The following RABGAP1L variants were observed in gnomAD, a reference collection of about 807,000 sequenced individuals.
RABGAP1L encodes RAB GTPase activating protein 1 like.
Under a neutral mutation model 137.7 loss-of-function variants are expected in RABGAP1L, and 63 were observed. The observed-to-expected ratio is 0.46, with a 90% CI of 0.37 to 0.56. RABGAP1L has a LOEUF of 0.56. RABGAP1L is among the 20% of genes least tolerant of loss of function. The probability of loss-of-function intolerance (pLI) is 0.00; values close to 1 mark genes in which losing one functional copy is unlikely to be tolerated. For missense variants in RABGAP1L, 1,095 were observed against 1,244.0 expected, an observed-to-expected ratio of 0.88 and a Z score of 1.80; for synonymous variants, 431 against 433.7, an observed-to-expected ratio of 0.99 and a Z score of 0.08.
In RABGAP1L at chr1:174,642,764, T is replaced by TCCCC. The variant is rs1557941722; in HGVS notation, c.1824+5277_1824+5278insCCCC. Among the ~76,000 whole-genome samples the TCCCC allele has an allele frequency of 6.7e-4, 69 of 103,142 alleles. 2 individuals are homozygous for TCCCC. Among genetic ancestry groups the TCCCC allele is most frequent in the African/African-American group, 2.6e-3 (63 of 24,540 alleles). The allele number at this position is 103,142 out of a possible 152,430, so 67.7% of individuals were successfully genotyped here. ...CTCCCCCTCTCCCCTTCTTCCCCTC[T>TCCCC]CTCCCTCTCCCCCTCTCCTCTCCTC... On this transcript the variant is annotated intron_variant, in intron 14 of 25. Coordinates refer to ENST00000681986, the MANE Select transcript of RABGAP1L (RefSeq NM_001366446.1).
chr1:174,370,512 C>A (rs951758048), intron 11 of RABGAP1L, among the ~76,000 whole-genome samples: 3 of 50,334 alleles, frequency 6.0e-5, no homozygotes, highest in South Asian at 7.9e-4. Flanking sequence ...AGAAACCTAA[C>A]TTTTTTTTTT....
At chr1:174,966,051 A>G (rs1478504843) in intron 20 of RABGAP1L, among the ~76,000 whole-genome samples, 1 of 152,192 alleles carries the variant, frequency 6.6e-6, no homozygotes, top group Non-Finnish European at 1.5e-5. Context: ...TCAACAGTGA[A>G]GTAGCTACCT....
intron 19 of RABGAP1L, among the ~76,000 whole-genome samples, chr1:174,879,349 C>T (rs1420694088): frequency 6.6e-6 from 1 of 151,960 alleles, no homozygotes; most frequent in Non-Finnish European, 1.5e-5. Flanking sequence ...CTACCCGCCT[C>T]GGCCTCCCAA....
chr1:174,833,121 C>T (rs1692289563), intron 19 of RABGAP1L, among the ~76,000 whole-genome samples: 1 of 152,030 alleles, frequency 6.6e-6, no homozygotes, highest in South Asian at 2.1e-4. Context: ...ACTAATCTTA[C>T]ACTTTACTAC....
intron 11 of RABGAP1L, among the ~76,000 whole-genome samples, chr1:174,353,242 T>G (rs775241382): frequency 2.6e-5 from 4 of 152,168 alleles, no homozygotes; most frequent in Non-Finnish European, 5.9e-5. Flanking sequence ...GCTTGGTGCT[T>G]TATTTTACTA....
intron 13 of RABGAP1L, among the ~76,000 whole-genome samples, chr1:174,552,876 C>CG (rs1224464965): frequency 6.6e-6 from 1 of 152,190 alleles, no homozygotes; most frequent in Non-Finnish European, 1.5e-5. Context: ...TCCATAACCT[C>CG]ACCAGCATCT....
At chr1:174,757,031 A>G (rs911141756) in intron 18 of RABGAP1L, 27 of 620,148 alleles carry the variant, frequency 4.4e-5, no homozygotes, top group Non-Finnish European at 8.0e-5. Flanking sequence ...CTTCTTGTCC[A>G]TAACTTCACC....
At chr1:174,907,488 T>C (rs1659288923) in intron 19 of RABGAP1L, among the ~76,000 whole-genome samples, 1 of 151,994 alleles carries the variant, frequency 6.6e-6, no homozygotes, top group Non-Finnish European at 1.5e-5. Flanking sequence ...CATTTTTTTG[T>C]ATTTTTTGTA....
chr1:174,372,648 A>G (rs1257681348), intron 12 of RABGAP1L, among the ~76,000 whole-genome samples: 4 of 152,190 alleles, frequency 2.6e-5, no homozygotes, highest in Non-Finnish European at 4.4e-5. Context: ...TTGTAACCAT[A>G]TGTGACTCAG....
At chr1:174,408,615 G>A (rs1014615037) in intron 13 of RABGAP1L, among the ~76,000 whole-genome samples, 12 of 152,104 alleles carry the variant, frequency 7.9e-5, no homozygotes, top group African/African-American at 2.9e-4. Flanking sequence ...GGGTAGAATG[G>A]TAGTTATTTG....
At chr1:174,240,523 C>T (rs931615278) in intron 4 of RABGAP1L, among the ~76,000 whole-genome samples, 6 of 152,226 alleles carry the variant, frequency 3.9e-5, no homozygotes, top group African/African-American at 9.6e-5. Flanking sequence ...GTTGGGATTA[C>T]AGGCGTGAGC....
At chr1:174,347,036 T>C (rs935336849) in intron 11 of RABGAP1L, among the ~76,000 whole-genome samples, 3 of 152,190 alleles carry the variant, frequency 2.0e-5, no homozygotes, top group Non-Finnish European at 4.4e-5. Flanking sequence ...GTTCCCAAAG[T>C]TCCTCTTGAT....
intron 1 of RABGAP1L, among the ~76,000 whole-genome samples, chr1:174,177,559 C>T (rs1164393574): frequency 6.6e-6 from 1 of 152,170 alleles, no homozygotes; most frequent in African/African-American, 2.4e-5. Flanking sequence ...TTTGCCCATG[C>T]CTATGTCCTG....
intron 3 of RABGAP1L, among the ~76,000 whole-genome samples, chr1:174,226,811 A>G (rs1253614482): frequency 2.0e-5 from 3 of 151,328 alleles, no homozygotes; most frequent in East Asian, 3.9e-4. Flanking sequence ...TTTTATCTTT[A>G]AAGAGTGTTT....
chr1:174,874,722 T>C (rs1461397910), intron 19 of RABGAP1L, among the ~76,000 whole-genome samples: 1 of 151,456 alleles, frequency 6.6e-6, no homozygotes, highest in African/African-American at 2.4e-5. Context: ...CTGTGTACAA[T>C]AGCTTCTGAA....
chr1:174,723,231 C>G (rs148707595), intron 17 of RABGAP1L, among the ~76,000 whole-genome samples: 3 of 152,122 alleles, frequency 2.0e-5, no homozygotes, highest in African/African-American at 7.2e-5. Flanking sequence ...TCCACCACCA[C>G]GCCTGGCTCA....
intron 11 of RABGAP1L, among the ~76,000 whole-genome samples, chr1:174,327,166 A>G (rs1680504190): frequency 6.6e-6 from 1 of 152,206 alleles, no homozygotes; most frequent in South Asian, 2.1e-4. Context: ...CAAATTCAAC[A>G]TACTCTAATG....
intron 17 of RABGAP1L, among the ~76,000 whole-genome samples, chr1:174,703,638 A>G (rs1679832792): frequency 6.6e-6 from 1 of 152,110 alleles, no homozygotes; most frequent in Admixed American, 6.5e-5. Flanking sequence ...TGGTAGTTCT[A>G]TTTTTAATTC....
chr1:174,582,747 C>G (rs1386040164), intron 13 of RABGAP1L, among the ~76,000 whole-genome samples: 2 of 152,144 alleles, frequency 1.3e-5, no homozygotes, highest in African/African-American at 4.8e-5. Flanking sequence ...AGGAGGATTT[C>G]TTTAAAGATA....
Sources: gnomAD v4.1 joint callset for allele counts (sites outside exome capture counted in the v4.1 genomes callset) on GRCh38, gnomAD v4.1.1 for gene constraint, MANE v1.5 for transcripts, NCBI Gene and HGNC (gene_info 2026-07-23, HGNC 2026-07-21) for gene names.